The following ST7 variants were observed in gnomAD, a reference collection of about 807,000 sequenced individuals.
ST7 encodes the protein suppression of tumorigenicity 7.
ST7 carries 28 observed loss-of-function variants against 78.7 expected under a neutral mutation model. The observed-to-expected ratio is 0.36, with a 90% CI of 0.26 to 0.49. ST7 has a LOEUF of 0.49. ST7 is among the 20% of genes least tolerant of loss of function. The pLI, the probability that ST7 is intolerant of heterozygous loss-of-function variation, is 0.99. For missense variants in ST7, 418 were observed against 696.0 expected (o/e 0.60, Z 4.49); for synonymous variants, 247 against 249.6 (o/e 0.99, Z 0.10).
chr7:117,160,352 G>A (rs1807038323), intron 9 of ST7, among the ~76,000 whole-genome samples: 1 of 151,934 alleles, frequency 6.6e-6, no homozygotes, highest in African/African-American at 2.4e-5. Context: ...GACTCCCTAT[G>A]TGTCTGTGTG....
At chr7:117,143,558 C>G (rs1243683738) in intron 9 of ST7, among the ~76,000 whole-genome samples, 2 of 152,088 alleles carry the variant, frequency 1.3e-5, no homozygotes, top group Non-Finnish European at 2.9e-5. Flanking sequence ...TTTACTGTGT[C>G]CTAGGCATTG....
intron 12 of ST7, among the ~76,000 whole-genome samples, chr7:117,206,017 A>G (rs1175725542): frequency 1.3e-5 from 2 of 152,200 alleles, no homozygotes; most frequent in African/African-American, 4.8e-5. Flanking sequence ...ATGTTGTTCC[A>G]TGCTTTTCTA....
At chr7:117,123,861 C>T (rs1011354936) in intron 3 of ST7, among the ~76,000 whole-genome samples, 15 of 151,994 alleles carry the variant, frequency 9.9e-5, no homozygotes, top group African/African-American at 3.6e-4. Context: ...GAAAAATATC[C>T]CTGCCAAAGT....
intron 1 of ST7, among the ~76,000 whole-genome samples, chr7:117,047,210 C>T (rs1042317743): frequency 4.6e-5 from 7 of 152,140 alleles, no homozygotes; most frequent in Non-Finnish European, 7.3e-5. Flanking sequence ...ATTCCTACCA[C>T]TCATCTTTTT....
intron 1 of ST7, among the ~76,000 whole-genome samples, chr7:117,066,557 C>T (rs190761986): frequency 1.3e-5 from 2 of 151,774 alleles, no homozygotes; most frequent in Non-Finnish European, 2.9e-5. Context: ...GTCAGGAGTT[C>T]GAGACCAGCC....
chr7:117,058,372 T>A (rs1166565386), intron 1 of ST7, among the ~76,000 whole-genome samples: 1 of 152,198 alleles, frequency 6.6e-6, no homozygotes, highest in Non-Finnish European at 1.5e-5. Context: ...TCAGTTTGCA[T>A]AAAAGCACTT....
At chr7:117,125,333 G>A (rs1803746560) in intron 3 of ST7, among the ~76,000 whole-genome samples, 1 of 152,056 alleles carries the variant, frequency 6.6e-6, no homozygotes, top group Non-Finnish European at 1.5e-5. Context: ...TAACCATCTC[G>A]ACAGTATTCT....
At chr7:117,098,661 G>T in intron 1 of ST7, 1 of 493,682 alleles carries the variant, frequency 2.0e-6, no homozygotes, top group Non-Finnish European at 3.0e-6. Flanking sequence ...GTTCATTTTG[G>T]TATATTACTT....
At chr7:117,106,831 A>T (rs1231556249) in intron 2 of ST7, among the ~76,000 whole-genome samples, 1 of 151,966 alleles carries the variant, frequency 6.6e-6, no homozygotes, top group Admixed American at 6.6e-5. Context: ...CGTGTTAGCC[A>T]GGATGGTCTC....
intron 9 of ST7, among the ~76,000 whole-genome samples, chr7:117,144,810 A>G (rs761202295): frequency 2.0e-5 from 3 of 152,214 alleles, no homozygotes; most frequent in Admixed American, 6.5e-5. Flanking sequence ...GTTGAGTATT[A>G]TATGTGCTAC....
intron 9 of ST7, among the ~76,000 whole-genome samples, chr7:117,163,197 A>G (rs1774343489): frequency 6.6e-6 from 1 of 152,138 alleles, no homozygotes; most frequent in East Asian, 1.9e-4. Context: ...ACCTGTGTTG[A>G]TTCCATGTCT....
intron 1 of ST7, among the ~76,000 whole-genome samples, chr7:117,097,908 A>ATATATTTTTTTTTTTT: frequency 3.3e-5 from 1 of 30,020 alleles, no homozygotes; most frequent in Non-Finnish European, 5.4e-5. Flanking sequence ...ATATATATAT[A>ATATATTTTTTTTTTTT]TTTTTTTTTT....
chr7:117,209,373 C>T (rs1792096657), intron 12 of ST7, among the ~76,000 whole-genome samples: 1 of 152,204 alleles, frequency 6.6e-6, no homozygotes, highest in African/African-American at 2.4e-5. Context: ...AAATAATGGA[C>T]AGTGCTACTC....
intron 12 of ST7, among the ~76,000 whole-genome samples, chr7:117,203,725 T>C (rs1018527462): frequency 1.3e-5 from 2 of 152,312 alleles, no homozygotes; most frequent in Non-Finnish European, 2.9e-5. Context: ...TCTCTTTTTC[T>C]CTCCTCTCTC....
rs115202469 is a variant in ST7, at chr7:117,001,494, C to A, written c.151+47803C>A. On this transcript the variant is annotated intron_variant, in intron 1 of 15. Coordinates refer to ENST00000323984, the MANE Select transcript of ST7 (RefSeq NM_001369598.1). ...AGGGGGTTTATGTCTGTGTGAGCTG[C>A]AGAAAGGACTAGTAGTTAGTAAGGT... Among the ~76,000 whole-genome samples, 679 of 152,192 alleles carry A rather than the reference C, an allele frequency of 4.5e-3. 4 individuals are homozygous for A. The highest frequency in any genetic ancestry group is 0.015 in the African/African-American group (639 of 41,524).
chr7:117,018,685 T>C (rs763078131), intron 1 of ST7, among the ~76,000 whole-genome samples: 5 of 152,222 alleles, frequency 3.3e-5, no homozygotes, highest in Non-Finnish European at 7.3e-5. Context: ...CGACAAAGTA[T>C]TTAACCATCT....
chr7:116,966,247 C>CT (rs374887005), intron 1 of ST7: 11,815 of 178,132 alleles, frequency 0.066, 359 homozygotes, highest in Non-Finnish European at 0.082. Context: ...TTTTTTCTTT[C>CT]TTTTTTTTTT....
intron 1 of ST7, among the ~76,000 whole-genome samples, chr7:117,026,919 G>C (rs1404188725): frequency 6.6e-6 from 1 of 152,196 alleles, no homozygotes. Context: ...AGGTTTGAGG[G>C]GAGGAGACTG....
intron 1 of ST7, among the ~76,000 whole-genome samples, chr7:117,042,135 A>G (rs1232086513): frequency 6.6e-6 from 1 of 152,214 alleles, no homozygotes; most frequent in Non-Finnish European, 1.5e-5. Flanking sequence ...TTTACAGTCC[A>G]CACTTTTGTA....
Sources: gnomAD v4.1 joint callset for allele counts (sites outside exome capture counted in the v4.1 genomes callset) on GRCh38, gnomAD v4.1.1 for gene constraint, MANE v1.5 for transcripts, NCBI Gene and HGNC (gene_info 2026-07-23, HGNC 2026-07-21) for gene names.